Variants in SLC30A3 observed in about 807,000 individuals in gnomAD.
SLC30A3 encodes the protein probable proton-coupled zinc antiporter SLC30A3.
Under a neutral mutation model 35.6 loss-of-function variants are expected in SLC30A3, and 20 were observed. The observed-to-expected ratio is 0.56, with a 90% CI of 0.39 to 0.82. The LOEUF is 0.82. Among genes scored for constraint, SLC30A3 ranks in the 40% least tolerant of loss-of-function variants. SLC30A3 has a pLI of 0.00. For missense variants in SLC30A3, 401 were observed against 530.6 expected (o/e 0.76, Z 2.40); for synonymous variants, 217 against 224.7 (o/e 0.97, Z 0.31).
upstream of SLC30A3, among the ~76,000 whole-genome samples, chr2:27,265,013 A>C (rs1478654539): frequency 2.0e-5 from 3 of 152,240 alleles, no homozygotes; most frequent in Non-Finnish European, 4.4e-5. The surrounding 1 kb of genome is among the most constrained non-coding windows in gnomAD (Gnocchi z 5.9). Flanking sequence ...CGGATGCGGC[A>C]GCCTGGCCCG....
chr2:27,258,445 T>C lies in SLC30A3; in HGVS notation c.278-138A>G. 1 of 724,222 alleles carries C rather than the reference T, an allele frequency of 1.4e-6. No individual in the cohort carries two copies. Among genetic ancestry groups the C allele is most frequent in the Non-Finnish European group, 2.2e-6 (1 of 453,752 alleles). The allele number at this position is 724,222 out of a possible 1,614,324, so 44.9% of individuals were successfully genotyped here. A position where few individuals can be genotyped will look rare whatever the true frequency, so the allele number is the denominator to read the frequency against. ...TCAGGTGATGGGACTACAGGTATAA[T>C]TAACTACTGTTATGTTATTTTTTTC... is the stretch of plus-strand genomic sequence containing the variant. On this transcript the variant is annotated intron_variant, in intron 2 of 7. Coordinates refer to ENST00000233535, the MANE Select transcript of SLC30A3 (RefSeq NM_003459.5). This position sits in a 1 kb window ranked among gnomAD's most constrained non-coding sequence, Gnocchi z 4.0.
At position 27,257,199 on chromosome 2, in the gene SLC30A3, C is replaced by A; in HGVS notation, c.732G>T (p.Leu244=). ...AGGCAGCCAGTACCCCAAAGCTCTGCAGGAGGTCCCCCAGCACGTGCACAA... is the reference window on the plus strand; with the variant it reads ...AGGCAGCCAGTACCCCAAAGCTCTGAAGGAGGTCCCCCAGCACGTGCACAA... ...AAFVHVLGDL[L]QSFGVLAASI... is the part of the protein sequence containing the mutation. The change falls in exon 5 of 8, where the codon CTG becomes CTT. Residue 244 remains leucine, a synonymous_variant. Coordinates refer to ENST00000233535, the MANE Select transcript of SLC30A3 (RefSeq NM_003459.5). The surrounding 1 kb of genome is among the most constrained non-coding windows in gnomAD (Gnocchi z 4.7). 1 of 1,614,062 alleles carries A rather than the reference C, an allele frequency of 6.2e-7. No homozygotes were observed. The highest frequency in any genetic ancestry group is 8.5e-7 in the Non-Finnish European group (1 of 1,179,994).
intron 1 of SLC30A3, among the ~76,000 whole-genome samples, chr2:27,261,479 G>A (rs1046381865): frequency 6.6e-6 from 1 of 152,164 alleles, no homozygotes; most frequent in African/African-American, 2.4e-5. Flanking sequence ...GGCTTTGGGG[G>A]CAGTGGGCAA....
At position 27,262,931 on chromosome 2, in the gene SLC30A3, G is replaced by A; in HGVS notation, c.-25C>T. 6.5e-7 allele frequency: 1 copy of A among 1,528,670 alleles called. No homozygotes were observed. Among genetic ancestry groups the A allele is most frequent in the East Asian group, 2.6e-5 (1 of 37,998 alleles). The allele number at this position is 1,528,670 out of a possible 1,614,324, so 94.7% of individuals were successfully genotyped here. On this transcript the variant is annotated 5_prime_UTR_variant, in exon 1 of 8. Transcript: ENST00000233535. This position sits in a 1 kb window ranked among gnomAD's most constrained non-coding sequence, Gnocchi z 7.5. Reference sequence around the variant, plus strand: ...TGTTCCCGGTGCCCCGACCGTCTAGGCCCCACCGAGGAAGAGAGAGGCCGG... The same window carrying A: ...TGTTCCCGGTGCCCCGACCGTCTAGACCCCACCGAGGAAGAGAGAGGCCGG...
intron 1 of SLC30A3, among the ~76,000 whole-genome samples, chr2:27,269,614 GA>G (rs1215208430): frequency 2.6e-5 from 4 of 151,988 alleles, no homozygotes; most frequent in Non-Finnish European, 2.9e-5. Flanking sequence ...TGTGACAGCA[GA>G]AGCCATGGGT....
At chr2:27,264,870 G>A (rs1316122196), upstream of SLC30A3, among the ~76,000 whole-genome samples, 1 of 152,226 alleles carries the variant, frequency 6.6e-6, no homozygotes, top group Non-Finnish European at 1.5e-5. This position sits in a 1 kb window ranked among gnomAD's most constrained non-coding sequence, Gnocchi z 6.1. Context: ...TCCCTGCTTA[G>A]CTATGCCAGG....
rs142959220 is a variant in SLC30A3, at chr2:27,255,564, G to A, written c.1019-104C>T. 9.9e-5 allele frequency: 122 copies of A among 1,234,518 alleles called. 1 individual carries two copies. The Middle Eastern group carries it at 1.8e-3, about 18-fold the overall frequency. The allele number at this position is 1,234,518 out of a possible 1,614,324, so 76.5% of individuals were successfully genotyped here. On this transcript the variant is annotated intron_variant, in intron 7 of 7. Transcript: ENST00000233535. This position sits in a 1 kb window ranked among gnomAD's most constrained non-coding sequence, Gnocchi z 5.2. ...GGGCTGCACAGCATTAAAGCCAGGCGTGAATGGAAGCCTGCTTTTCTTTCT... is the reference window on the plus strand; with the variant it reads ...GGGCTGCACAGCATTAAAGCCAGGCATGAATGGAAGCCTGCTTTTCTTTCT...
Position 27,258,232 on chromosome 2 carries a change from C to T in SLC30A3, c.353G>A (p.Gly118Asp). The change falls in exon 3 of 8, where the codon GGC becomes GAC. Residue 118 changes from glycine (G) to aspartate (D), a missense_variant. By Grantham distance (94) the Gly-to-Asp change is moderately conservative (BLOSUM62 -1). This residue lies in a region of SLC30A3 where 296 missense variants were observed against 392.6 expected (regional missense o/e 0.75). Transcript: ENST00000233535. The surrounding 1 kb of genome is among the most constrained non-coding windows in gnomAD (Gnocchi z 4.0). ...GGAGAGCCAGAGGGAGAAGAGGCTG[C>T]CCATCATGCTGCCCACATCCGCCAG... ...HLLADVGSMM[G>D]SLFSLWLSTR... The T allele has an allele frequency of 6.3e-7, 1 of 1,592,086 alleles. No individual in the cohort carries two copies. The highest frequency in any genetic ancestry group is 8.6e-7 in the Non-Finnish European group (1 of 1,167,426).
intron 1 of SLC30A3, among the ~76,000 whole-genome samples, chr2:27,268,080 C>T (rs1677571005): frequency 6.6e-6 from 1 of 152,108 alleles, no homozygotes; most frequent in African/African-American, 2.4e-5. Flanking sequence ...ACTGTCTGCC[C>T]CTCTTGCCAG....
At chr2:27,259,244 C>T (rs1431815268) in intron 1 of SLC30A3, among the ~76,000 whole-genome samples, 4 of 152,172 alleles carry the variant, frequency 2.6e-5, no homozygotes, top group Non-Finnish European at 4.4e-5. Context: ...CCTGTAATCC[C>T]AGCACTTTGG....
chr2:27,275,693 CT>C, upstream of SLC30A3: 3 of 163,040 alleles, frequency 1.8e-5, no homozygotes, highest in Non-Finnish European at 4.1e-5. Context: ...GTTCCGCTGC[CT>C]TTTCCTTGCC....
At chr2:27,266,573 T>C (rs147928322), upstream of SLC30A3, among the ~76,000 whole-genome samples, 34 of 152,272 alleles carry the variant, frequency 2.2e-4, no homozygotes, top group African/African-American at 7.7e-4. Context: ...TCTCTCTATT[T>C]TTGTATGGGT....
At position 27,257,970 on chromosome 2, in the gene SLC30A3, G is replaced by A. The variant is rs756397534; in HGVS notation, c.513C>T (p.Ser171=). 8 of 1,614,092 alleles carry A rather than the reference G, an allele frequency of 5.0e-6. No homozygotes were observed. Among genetic ancestry groups the A allele is most frequent in the African/African-American group, 2.7e-5 (2 of 74,952 alleles). The change falls in exon 4 of 8, where the codon AGC becomes AGT. Residue 171 remains serine, a synonymous_variant. Transcript: ENST00000233535. This position sits in a 1 kb window ranked among gnomAD's most constrained non-coding sequence, Gnocchi z 4.7. ...TGGCACCCCCCTCGATGTGGTAGTC[G>A]CTGTGCAGCAGGCGGACGAAGGCCA... ...LYLAFVRLLH[S]DYHIEGGAML... is the part of the protein sequence containing the mutation.
Position 27,271,646 on chromosome 2 carries a change from T to C in SLC30A3, c.-159+3531A>G, listed in dbSNP as rs140321965. ...TAGGGCTTCTGACCCCTGGCTTGTG[T>C]GTTCTTCCTAGGACTGAGCTGCGTG... On this transcript the variant is annotated intron_variant, in intron 1 of 5. Transcript: ENST00000424577. This position sits in a 1 kb window ranked among gnomAD's most constrained non-coding sequence, Gnocchi z 4.3. 3.3e-5 allele frequency among the ~76,000 whole-genome samples: 5 copies of C among 152,330 alleles called. No homozygotes were observed. The highest frequency in any genetic ancestry group is 7.3e-5 in the Non-Finnish European group (5 of 68,028).
upstream of SLC30A3, among the ~76,000 whole-genome samples, chr2:27,263,743 C>A (rs752594666): frequency 3.2e-4 from 48 of 147,706 alleles, no homozygotes; most frequent in Non-Finnish European, 6.5e-4. Context: ...AGGGCCCGGC[C>A]TGGACCCCCA....
In SLC30A3 at chr2:27,257,883, C is replaced by A. The variant is rs1293245994; in HGVS notation, c.578+22G>T. ...CCCTCGCCCTGGGCCCCACAAGGTGCCTGCTCCATACTGGGACGTACAACA... is the reference window on the plus strand; with the variant it reads ...CCCTCGCCCTGGGCCCCACAAGGTGACTGCTCCATACTGGGACGTACAACA... On this transcript the variant is annotated intron_variant, in intron 4 of 7. Coordinates refer to ENST00000233535, the MANE Select transcript of SLC30A3 (RefSeq NM_003459.5). This position sits in a 1 kb window ranked among gnomAD's most constrained non-coding sequence, Gnocchi z 4.7. 6.2e-7 allele frequency: 1 copy of A among 1,606,760 alleles called. No homozygotes were observed. The highest frequency in any genetic ancestry group is 8.5e-7 in the Non-Finnish European group (1 of 1,176,106).
In SLC30A3 at chr2:27,258,844, C is replaced by A; in HGVS notation, c.186G>T (p.Pro62=). The A allele has an allele frequency of 1.9e-6, 3 of 1,614,134 alleles. No homozygotes were observed. The highest frequency in any genetic ancestry group is 2.5e-6 in the Non-Finnish European group (3 of 1,179,980). Residue 62 remains proline (P), a synonymous_variant, in exon 2 of 8, where the codon CCG becomes CCT. Coordinates refer to ENST00000233535, the MANE Select transcript of SLC30A3 (RefSeq NM_003459.5). The surrounding 1 kb of genome is among the most constrained non-coding windows in gnomAD (Gnocchi z 4.0). ...GCAGCCTCTCAGGGGTAAGGCCCGGCGGCGGAAGGGGGTCCCTGTGGCAGT... is the reference window on the plus strand; with the variant it reads ...GCAGCCTCTCAGGGGTAAGGCCCGGAGGCGGAAGGGGGTCCCTGTGGCAGT... ...FHHCHRDPLP[P]PGLTPERLHA... is the part of the protein sequence containing the mutation.
chr2:27,260,637 A>C (rs193258049), intron 1 of SLC30A3, among the ~76,000 whole-genome samples: 2 of 152,322 alleles, frequency 1.3e-5, no homozygotes, highest in Non-Finnish European at 2.9e-5. Flanking sequence ...CTCCAGATAG[A>C]AATGTGATCA....
At chr2:27,268,710 G>C (rs7572958) in intron 1 of SLC30A3, among the ~76,000 whole-genome samples, 1 of 150,740 alleles carries the variant, frequency 6.6e-6, no homozygotes, top group Non-Finnish European at 1.5e-5. Context: ...GTGACAGAGC[G>C]AGACTCTGTC....
Sources: allele counts gnomAD v4.1 joint callset (sites outside exome capture counted in the v4.1 genomes callset), GRCh38; gene constraint gnomAD v4.1.1; regional missense constraint gnomAD v4.1.1; non-coding constraint Gnocchi (gnomAD v3.1); transcripts MANE v1.5; gene names NCBI Gene and HGNC (gene_info 2026-07-23, HGNC 2026-07-21).